The following FAT3 variants were observed in gnomAD, a reference collection of about 807,000 sequenced individuals.
FAT3 encodes protocadherin Fat 3.
In FAT3, 95 loss-of-function variants were observed where a neutral mutation model predicts 310.2. The observed-to-expected ratio is 0.31, with a 90% CI of 0.26 to 0.36. FAT3 has a LOEUF of 0.36. Ranked by LOEUF, FAT3 falls within the 10% of genes least tolerant of loss-of-function variation. The pLI, the probability that FAT3 is intolerant of heterozygous loss-of-function variation, is 1.00. For missense variants in FAT3, 5,408 were observed against 5,715.6 expected (o/e 0.95, Z 1.74); for synonymous variants, 2,314 against 2,192.9 (o/e 1.06, Z -1.54).
chr11:92,801,474 A>G lies in FAT3; in HGVS notation c.8461A>G (p.Thr2821Ala). The change falls in exon 10 of 28, where the codon ACC (threonine) becomes GCC (alanine). Residue 2821 changes from threonine to alanine, a missense_variant. Physicochemically the swap from Thr to Ala is moderately conservative, Grantham distance 58. Transcript: ENST00000525166. ...AGTCTTTGAAACTTCAAGCTATGAC[A>G]CCATTATAATGGAAGGGATGCCTGT... The part of the protein sequence containing the change: ...KPVFETSSYD[T>A]IIMEGMPVGT... The G allele has an allele frequency of 3.1e-6, 5 of 1,613,626 alleles. No homozygotes were observed. The highest frequency in any genetic ancestry group is 4.2e-6 in the Non-Finnish European group (5 of 1,179,742).
chr11:92,545,566 GTA>G (rs139229828), intron 3 of FAT3, among the ~76,000 whole-genome samples: 2,294 of 152,276 alleles, frequency 0.015, 63 homozygotes, highest in African/African-American at 0.053. Context: ...TGGTTCAAAT[GTA>G]TAGTCAGTCT....
At chr11:92,362,427 G>A (rs1486270399) in intron 2 of FAT3, among the ~76,000 whole-genome samples, 2 of 152,190 alleles carry the variant, frequency 1.3e-5, no homozygotes, top group Non-Finnish European at 2.9e-5. Flanking sequence ...GTGCCCAGAG[G>A]CTTTTTGGCC....
At chr11:92,804,226 A>G (rs1468056639) in intron 10 of FAT3, among the ~76,000 whole-genome samples, 1 of 151,930 alleles carries the variant, frequency 6.6e-6, no homozygotes, top group Non-Finnish European at 1.5e-5. Context: ...TGCCTGGCCC[A>G]GGGTATATGA....
rs772489647 is a variant in FAT3, at chr11:92,801,357, A to C, written c.8344A>C (p.Lys2782Gln). The C allele has an allele frequency of 2.2e-5, 35 of 1,613,878 alleles. No homozygotes were observed. Among genetic ancestry groups the C allele is most frequent in the Non-Finnish European group, 3.0e-5 (35 of 1,179,892 alleles). The change falls in exon 10 of 28, where the codon AAA (lysine) becomes CAA (glutamine). Residue 2782 changes from lysine to glutamine, a missense_variant. By Grantham distance (53) the Lys-to-Gln change is moderately conservative. Transcript: ENST00000525166. Reference sequence around the variant, plus strand: ...TGAAACCAGCCCAGCTTTCCACTTTAAAGTAGCAGCCACTATACCCCTGGA... The same window carrying C: ...TGAAACCAGCCCAGCTTTCCACTTTCAAGTAGCAGCCACTATACCCCTGGA... ...DRETSPAFHF[K>Q]VAATIPLDKV...
chr11:92,587,298 C>T (rs532218647), intron 3 of FAT3, among the ~76,000 whole-genome samples: 9 of 151,902 alleles, frequency 5.9e-5, no homozygotes, highest in Non-Finnish European at 1.0e-4. Context: ...AGATCCCATG[C>T]ACTACTTATT....
In FAT3 at chr11:92,800,566, T is replaced by C; in HGVS notation, c.7553T>C (p.Val2518Ala). The change falls in exon 10 of 28, where the codon GTT (valine) becomes GCT (alanine). Residue 2518 changes from valine (V) to alanine (A), a missense_variant. Coordinates refer to ENST00000525166, the MANE Select transcript of FAT3 (RefSeq NM_001367949.2). ...GCTGCAGGAACAAAGGTAATTCATG[T>C]TCGAGCCACAGATGGTGATCCAGGG... ...NVAAGTKVIH[V>A]RATDGDPGTY... 1.2e-6 allele frequency: 2 copies of C among 1,613,788 alleles called. No homozygotes were observed. Among genetic ancestry groups the C allele is most frequent in the Non-Finnish European group, 1.7e-6 (2 of 1,179,830 alleles).
rs112817861 is a variant in FAT3, at chr11:92,256,854, A to T, written c.-18+31680A>T. On this transcript the variant is annotated intron_variant, in intron 1 of 27. Transcript: ENST00000525166. ...AGCGAATAAGTTGTGCAGCCAGGAT[A>T]TGAATCCAGATCTTCCCTAATCCCA... 1.1e-4 allele frequency among the ~76,000 whole-genome samples: 17 copies of T among 152,242 alleles called. 1 individual carries two copies. Among genetic ancestry groups the T allele is most frequent in the African/African-American group, 3.6e-4 (15 of 41,558 alleles).
At chr11:92,420,167 C>A (rs1950506611) in intron 2 of FAT3, among the ~76,000 whole-genome samples, 1 of 152,212 alleles carries the variant, frequency 6.6e-6, no homozygotes, top group African/African-American at 2.4e-5. Context: ...GACCATCTGA[C>A]ACACAAAGCC....
chr11:92,280,386 C>T (rs1024133653), intron 1 of FAT3, among the ~76,000 whole-genome samples: 5 of 152,110 alleles, frequency 3.3e-5, no homozygotes, highest in African/African-American at 9.7e-5. Flanking sequence ...AAAAGGTGTA[C>T]TTTGAAACTG....
Position 92,626,367 on chromosome 11 carries a change from A to C in FAT3, c.3608-71017A>C, listed in dbSNP as rs139887302. 4.0e-3 allele frequency among the ~76,000 whole-genome samples: 603 copies of C among 152,314 alleles called. 3 individuals carry two copies. The highest frequency in any genetic ancestry group is 0.024 in the Middle Eastern group (7 of 294). ...ATAACCACCTGGGACTTTTTAGGTG[A>C]GAGAGATCCAAAAAATAATTTAATG... On this transcript the variant is annotated intron_variant, in intron 3 of 27. Transcript: ENST00000525166.
intron 22 of FAT3, among the ~76,000 whole-genome samples, chr11:92,878,659 AAAAAAAAAG>A (rs1330379472): frequency 0.058 from 5,265 of 91,244 alleles, 582 homozygotes; most frequent in East Asian, 0.1. Context: ...AAAAAAAAAA[AAAAAAAAAG>A]CTCCGCACAA....
chr11:92,384,757 A>G (rs1310202047), intron 2 of FAT3, among the ~76,000 whole-genome samples: 1 of 152,200 alleles, frequency 6.6e-6, no homozygotes, highest in African/African-American at 2.4e-5. Context: ...AGTGGAAGAG[A>G]CCAGGAGCTG....
chr11:92,571,419 C>T (rs1012171512), intron 3 of FAT3, among the ~76,000 whole-genome samples: 2 of 152,154 alleles, frequency 1.3e-5, no homozygotes, highest in East Asian at 1.9e-4. Flanking sequence ...AGGACCTGCA[C>T]CTCACACCCA....
chr11:92,250,549 A>G (rs1190555473), intron 1 of FAT3, among the ~76,000 whole-genome samples: 1 of 152,116 alleles, frequency 6.6e-6, no homozygotes, highest in Non-Finnish European at 1.5e-5. Context: ...AGCTGATTTA[A>G]TTGGGAGGTA....
chr11:92,692,510 G>T (rs1220606842), intron 3 of FAT3, among the ~76,000 whole-genome samples: 4 of 152,218 alleles, frequency 2.6e-5, no homozygotes, highest in East Asian at 1.9e-4. Flanking sequence ...ATTGATCTAA[G>T]TTGTGGGCTT....
intron 2 of FAT3, among the ~76,000 whole-genome samples, chr11:92,383,162 A>C (rs555422896): frequency 6.6e-6 from 1 of 152,324 alleles, no homozygotes; most frequent in Non-Finnish European, 1.5e-5. Context: ...TGCACAGGAC[A>C]TGATCTCGTT....
intron 2 of FAT3, among the ~76,000 whole-genome samples, chr11:92,524,316 T>C (rs1953780807): frequency 6.6e-6 from 1 of 152,110 alleles, no homozygotes; most frequent in South Asian, 2.1e-4. Context: ...GCCCAACCTC[T>C]TCTCATTCCT....
Position 92,800,709 on chromosome 11 carries a change from G to A in FAT3, c.7696G>A (p.Gly2566Arg). ...GCTAGACCGGGAAAACCCTCTAGAA[G>A]GGGATGTTAGTATTTTTGTGAGGGC... The part of the protein sequence containing the change: ...ERLDRENPLE[G>R]DVSIFVRALD... The change falls in exon 10 of 28, where the codon GGG (glycine) becomes AGG (arginine). Residue 2566 changes from glycine (G) to arginine (R), a missense_variant. Gly to Arg is a moderately radical substitution (Grantham distance 125, BLOSUM62 -2). Around this residue, in one of 5 missense-constraint regions of FAT3, gnomAD observed 4,588 missense variants for 4,809.8 expected, o/e 0.95. Transcript: ENST00000525166. 6.2e-7 allele frequency: 1 copy of A among 1,613,862 alleles called. No individual in the cohort carries two copies. The highest frequency in any genetic ancestry group is 8.5e-7 in the Non-Finnish European group (1 of 1,179,858).
At chr11:92,759,159 T>C (rs1170680461) in intron 4 of FAT3, among the ~76,000 whole-genome samples, 1 of 152,106 alleles carries the variant, frequency 6.6e-6, no homozygotes, top group African/African-American at 2.4e-5. Flanking sequence ...GGAGCTATGT[T>C]GTTAAGGCCC....
Sources: gnomAD v4.1 joint callset for allele counts (sites outside exome capture counted in the v4.1 genomes callset) on GRCh38, gnomAD v4.1.1 for gene constraint, gnomAD v4.1.1 regional missense constraint, MANE v1.5 for transcripts, NCBI Gene and HGNC (gene_info 2026-07-23, HGNC 2026-07-21) for gene names.